Variants in HIF3A observed in about 807,000 individuals in gnomAD.
The protein encoded by HIF3A is hypoxia-inducible factor 3-alpha.
Under a neutral mutation model 67.2 loss-of-function variants are expected in HIF3A, and 41 were observed. That is an observed-to-expected ratio of 0.61 (90% CI 0.48 to 0.79). HIF3A has a LOEUF of 0.79. Among genes scored for constraint, HIF3A ranks in the 30% least tolerant of loss-of-function variants. HIF3A has a pLI of 0.00. For missense variants in HIF3A, 855 were observed against 898.0 expected (o/e 0.95, Z 0.61); for synonymous variants, 356 against 374.8 (o/e 0.95, Z 0.58).
chr19:46,327,202 G>C (rs75616747), intron 11 of HIF3A, among the ~76,000 whole-genome samples: 3 of 151,804 alleles, frequency 2.0e-5, no homozygotes, highest in Admixed American at 2.0e-4. Flanking sequence ...TCTCAGCCCA[G>C]GCTGGTCTTG....
At chr19:46,303,457 C>G in intron 1 of HIF3A, 1 of 605,624 alleles carries the variant, frequency 1.7e-6, no homozygotes, top group Non-Finnish European at 2.9e-6. Context: ...TTCTGGGAAA[C>G]TGCAGGGCAG....
intron 12 of HIF3A, 75 bp from the exon 13 acceptor site, chr19:46,331,081 C>T: frequency 8.8e-7 from 1 of 1,130,514 alleles, no homozygotes; most frequent in Non-Finnish European, 1.3e-6. Context: ...AATGAATGCT[C>T]ATCACCTGCT....
In HIF3A at chr19:46,315,381, T is replaced by C. The variant is rs544158368; in HGVS notation, c.1025+2728T>C. On this transcript the variant is annotated intron_variant, in intron 8 of 14. Coordinates refer to ENST00000377670, the MANE Select transcript of HIF3A (RefSeq NM_152795.4). ...CGCGCCCAGCCCATGTTGTGGTTTA[T>C]ATCAGTAGTTCCTTTGTAAATAGTG... Among the ~76,000 whole-genome samples, 55 of 147,408 alleles carry C rather than the reference T, an allele frequency of 3.7e-4. 5 individuals are homozygous for C. Among genetic ancestry groups the C allele is most frequent in the African/African-American group, 1.2e-3 (47 of 40,716 alleles).
At chr19:46,313,114 G>A in intron 8 of HIF3A, 2 of 578,046 alleles carry the variant, frequency 3.5e-6, no homozygotes, top group Non-Finnish European at 4.4e-6. Context: ...AGCCGGGTGT[G>A]GTGACACATG....
Position 46,297,115 on chromosome 19 carries a change from G to A in HIF3A, c.26+13G>A, listed in dbSNP as rs761743618. On this transcript the variant is annotated intron_variant, in intron 1 of 14. Transcript: ENST00000377670. The surrounding 1 kb of genome is among the most constrained non-coding windows in gnomAD (Gnocchi z 4.5). ...TGCAGCGCGCAAGGTACTGAAGTTC[G>A]GGGGCAGGAGTTCTGGGAATTGGGG... 33 of 1,291,078 alleles carry A rather than the reference G, an allele frequency of 2.6e-5. No individual in the cohort carries two copies. In the African/African-American group the frequency reaches 3.8e-4, roughly 15 times the overall value. 80.0% of individuals were successfully genotyped at this position (1,291,078 alleles called of 1,614,324 possible). A position where few individuals can be genotyped will look rare whatever the true frequency, so the allele number is the denominator to read the frequency against.
intron 2 of HIF3A, chr19:46,304,920 A>G (rs917038344): frequency 7.3e-6 from 3 of 410,046 alleles, no homozygotes; most frequent in African/African-American, 6.2e-5. Flanking sequence ...TGGCCCCTTC[A>G]TATTTTGACC....
intron 1 of HIF3A, chr19:46,298,355 G>A (rs145127314): frequency 0.034 from 43,273 of 1,266,498 alleles, 1,080 homozygotes; most frequent in Middle Eastern, 0.061. Context: ...TCTTGGCTGA[G>A]CTCGGGTGCC....
chr19:46,301,897 T>C (rs1320705952), intron 1 of HIF3A, among the ~76,000 whole-genome samples: 2 of 151,558 alleles, frequency 1.3e-5, no homozygotes, highest in Non-Finnish European at 2.9e-5. Context: ...AGGGGTCCCC[T>C]GAGGATTGGA....
At position 46,339,630 on chromosome 19, in the gene HIF3A, C is replaced by T. The variant is rs765299207; in HGVS notation, c.*8C>T. The T allele has an allele frequency of 4.4e-6, 7 of 1,585,652 alleles. No homozygotes were observed. The South Asian group carries it at 4.5e-5, about 10-fold the overall frequency. On this transcript the variant is annotated 3_prime_UTR_variant, in exon 15 of 15. Transcript: ENST00000377670. ...TCAGCCCAGGCTGACTGAGCCGGCTCCTCTCCCCATCTGCCTTCTCCTCCC... is the reference window on the plus strand; with the variant it reads ...TCAGCCCAGGCTGACTGAGCCGGCTTCTCTCCCCATCTGCCTTCTCCTCCC...
In HIF3A at chr19:46,320,185, G is replaced by A. The variant is rs371182882; in HGVS notation, c.1026-258G>A. The A allele has an allele frequency of 5.2e-5, 17 of 327,448 alleles. No homozygotes were observed. The East Asian group carries it at 8.7e-4, about 17-fold the overall frequency. The allele number at this position is 327,448 out of a possible 1,614,324, so 20.3% of individuals were successfully genotyped here. On this transcript the variant is annotated intron_variant, in intron 8 of 14. Coordinates refer to ENST00000377670, the MANE Select transcript of HIF3A (RefSeq NM_152795.4). The stretch of plus-strand genomic sequence containing the variant: ...GCGGAGGTTGCAGTGAGCCGAGATC[G>A]CGCCACTGCACTCCAGCCTGGGCGA...
At chr19:46,326,245 C>T (rs1970770969) in intron 11 of HIF3A, among the ~76,000 whole-genome samples, 1 of 152,076 alleles carries the variant, frequency 6.6e-6, no homozygotes, top group Non-Finnish European at 1.5e-5. Context: ...ACATAGACTC[C>T]CTAAGTGTCC....
Position 46,325,521 on chromosome 19 carries a change from C to A in HIF3A, c.1336-14C>A. ...CTCAAGATTTCCTGAAGTTTCTACT[C>A]CATCTCTCCACAGGCTGATCTCCCA... is the stretch of plus-strand genomic sequence containing the variant. On this transcript the variant is annotated splice_polypyrimidine_tract_variant and intron_variant, in intron 10 of 14. Coordinates refer to ENST00000377670, the MANE Select transcript of HIF3A (RefSeq NM_152795.4). The A allele has an allele frequency of 6.3e-7, 1 of 1,588,796 alleles. No homozygotes were observed. The highest frequency in any genetic ancestry group is 8.6e-7 in the Non-Finnish European group (1 of 1,159,322).
chr19:46,311,727 GGCA>G (rs1429978317), intron 6 of HIF3A, among the ~76,000 whole-genome samples: 3 of 152,028 alleles, frequency 2.0e-5, no homozygotes, highest in Non-Finnish European at 4.4e-5. Context: ...AGCCAGGCAG[GGCA>G]CACACCTGTA....
intron 1 of HIF3A, among the ~76,000 whole-genome samples, chr19:46,300,348 C>T (rs1206718323): frequency 2.6e-5 from 4 of 152,122 alleles, no homozygotes; most frequent in African/African-American, 7.2e-5. Context: ...ATCTCTGATA[C>T]GCACAGAGGG....
At chr19:46,326,388 G>A (rs1970781049) in intron 11 of HIF3A, among the ~76,000 whole-genome samples, 1 of 152,168 alleles carries the variant, frequency 6.6e-6, no homozygotes, top group Admixed American at 6.5e-5. Context: ...AATCTCAGAA[G>A]TGACAAATCA....
At chr19:46,298,825 G>T (rs2147098108) in intron 1 of HIF3A, among the ~76,000 whole-genome samples, 1 of 152,230 alleles carries the variant, frequency 6.6e-6, no homozygotes, top group East Asian at 1.9e-4. Flanking sequence ...ATGCCAAAAG[G>T]CATCCTTGCC....
At chr19:46,327,490 T>A (rs1970876000) in intron 11 of HIF3A, among the ~76,000 whole-genome samples, 1 of 152,024 alleles carries the variant, frequency 6.6e-6, no homozygotes, top group African/African-American at 2.4e-5. Context: ...CAATTTTTCG[T>A]ATTTTTAGTA....
chr19:46,337,262 G>T (rs1440939261), intron 14 of HIF3A, among the ~76,000 whole-genome samples: 5 of 151,760 alleles, frequency 3.3e-5, no homozygotes, highest in African/African-American at 9.7e-5. Flanking sequence ...TTTGGGGTGT[G>T]GGGGGACAGG....
At chr19:46,335,628 C>T (rs907151332) in intron 14 of HIF3A, among the ~76,000 whole-genome samples, 2 of 151,990 alleles carry the variant, frequency 1.3e-5, no homozygotes, top group African/African-American at 4.8e-5. Context: ...TCCAGCTACT[C>T]TGGAGGCTGA....
Sources: allele counts gnomAD v4.1 joint callset (sites outside exome capture counted in the v4.1 genomes callset), GRCh38; gene constraint gnomAD v4.1.1; non-coding constraint Gnocchi (gnomAD v3.1); transcripts MANE v1.5; gene names NCBI Gene and HGNC (gene_info 2026-07-23, HGNC 2026-07-21).